CDK5RAP2: variants seen among roughly 807,000 people sequenced by gnomAD.
The protein encoded by CDK5RAP2 is CDK5 regulatory subunit-associated protein 2.
In CDK5RAP2, 147 loss-of-function variants were observed where a neutral mutation model predicts 232.9. The ratio of observed to expected loss-of-function variants is 0.63; its 90% CI spans 0.55 to 0.72. The LOEUF (loss-of-function observed/expected upper bound fraction) is 0.72, where lower values mean the gene tolerates loss of function less well. Among genes scored for constraint, CDK5RAP2 ranks in the 30% least tolerant of loss-of-function variants. The probability of loss-of-function intolerance (pLI) is 0.00; values close to 1 mark genes in which losing one functional copy is unlikely to be tolerated. For missense variants in CDK5RAP2, 2,195 were observed against 2,231.5 expected (o/e 0.98, Z 0.33); for synonymous variants, 833 against 833.7 (o/e 1.00, Z 0.01).
intron 26 of CDK5RAP2, among the ~76,000 whole-genome samples, chr9:120,421,293 A>T (rs2034553745): frequency 6.6e-6 from 1 of 152,030 alleles, no homozygotes; most frequent in Non-Finnish European, 1.5e-5. Flanking sequence ...GAATGGCCCC[A>T]CTCTGGGAAG....
intron 7 of CDK5RAP2, among the ~76,000 whole-genome samples, chr9:120,535,731 G>C (rs2041356750): frequency 6.6e-6 from 1 of 152,182 alleles, no homozygotes; most frequent in Admixed American, 6.5e-5. Flanking sequence ...GGGCACTAAA[G>C]ACTGCCTAAA....
intron 18 of CDK5RAP2, among the ~76,000 whole-genome samples, chr9:120,463,654 C>T (rs2037214240): frequency 6.6e-6 from 1 of 152,206 alleles, no homozygotes; most frequent in African/African-American, 2.4e-5. Context: ...GTATTGTTAA[C>T]ACATCATTCC....
intron 20 of CDK5RAP2, among the ~76,000 whole-genome samples, chr9:120,454,367 A>G (rs527752104): frequency 6.6e-6 from 1 of 152,352 alleles, no homozygotes; most frequent in Non-Finnish European, 1.5e-5. Context: ...TGCTTAATAA[A>G]GAGGTGTTAA....
chr9:120,533,200 C>T (rs1024273024), intron 7 of CDK5RAP2, among the ~76,000 whole-genome samples: 2 of 152,156 alleles, frequency 1.3e-5, no homozygotes, highest in African/African-American at 4.8e-5. Context: ...CATCTATCCC[C>T]TCCCACACTG....
intron 12 of CDK5RAP2, among the ~76,000 whole-genome samples, chr9:120,518,159 A>G (rs1177140587): frequency 2.3e-5 from 3 of 128,906 alleles, no homozygotes; most frequent in Admixed American, 8.0e-5. Context: ...CAACTCGATA[A>G]CAACTCTGTG....
chr9:120,526,273 G>A (rs542720633), intron 10 of CDK5RAP2, among the ~76,000 whole-genome samples: 1 of 152,186 alleles, frequency 6.6e-6, no homozygotes, highest in East Asian at 1.9e-4. Flanking sequence ...TGGTCCACGG[G>A]CTCCTCAAAG....
chr9:120,484,519 T>C (rs991238837), intron 14 of CDK5RAP2, among the ~76,000 whole-genome samples: 2 of 152,012 alleles, frequency 1.3e-5, no homozygotes, highest in African/African-American at 4.8e-5. Flanking sequence ...GTCAGAAGTT[T>C]GAGACCAGCC....
At chr9:120,519,705 T>A (rs2040532165) in intron 11 of CDK5RAP2, among the ~76,000 whole-genome samples, 1 of 152,256 alleles carries the variant, frequency 6.6e-6, no homozygotes, top group African/African-American at 2.4e-5. Flanking sequence ...GTAATTCTCA[T>A]TTTTCTTTAA....
intron 12 of CDK5RAP2, among the ~76,000 whole-genome samples, chr9:120,500,021 G>C (rs999588908): frequency 6.6e-6 from 1 of 152,102 alleles, no homozygotes; most frequent in African/African-American, 2.4e-5. Context: ...TTTTTGTTTT[G>C]TTTCATTTAA....
chr9:120,544,672 G>C (rs979883835), intron 5 of CDK5RAP2, among the ~76,000 whole-genome samples: 4 of 152,224 alleles, frequency 2.6e-5, no homozygotes, highest in African/African-American at 9.6e-5. Context: ...GACAAATGAA[G>C]CATTTCCACA....
chr9:120,535,726 C>T (rs2041356550), intron 7 of CDK5RAP2, among the ~76,000 whole-genome samples: 1 of 152,188 alleles, frequency 6.6e-6, no homozygotes, highest in African/African-American at 2.4e-5. Flanking sequence ...ATGATGGGCA[C>T]TAAAGACTGC....
intron 28 of CDK5RAP2, among the ~76,000 whole-genome samples, chr9:120,414,459 A>G (rs1345544382): frequency 1.3e-5 from 2 of 152,252 alleles, no homozygotes; most frequent in Non-Finnish European, 2.9e-5. Flanking sequence ...GATATAGAGT[A>G]CGTTACCTCT....
At chr9:120,415,432 A>C (rs2034154802) in intron 27 of CDK5RAP2, among the ~76,000 whole-genome samples, 1 of 152,194 alleles carries the variant, frequency 6.6e-6, no homozygotes, top group Admixed American at 6.5e-5. Context: ...GCTAACTCTA[A>C]TGTAGCCTTT....
In CDK5RAP2 at chr9:120,536,396, G is replaced by A; in HGVS notation, c.638C>T (p.Ala213Val). The A allele has an allele frequency of 6.2e-7, 1 of 1,614,128 alleles. No homozygotes were observed. The highest frequency in any genetic ancestry group is 8.5e-7 in the Non-Finnish European group (1 of 1,180,006). Reference sequence around the variant, plus strand: ...CCTGTCTTTCTCATCCAGGACCAGAGCCATCGCCAAGTCCCCCTCGTGCAT... The same window carrying A: ...CCTGTCTTTCTCATCCAGGACCAGAACCATCGCCAAGTCCCCCTCGTGCAT... ...KKMHEGDLAM[A>V]LVLDEKDRLI... Residue 213 changes from alanine (A) to valine (V), a missense_variant, in exon 7 of 38, where the codon GCT (alanine) becomes GTT (valine). Ala to Val is a moderately conservative substitution (Grantham distance 64, BLOSUM62 0). Transcript: ENST00000349780.
In CDK5RAP2 at chr9:120,443,241, A is replaced by G. The variant is rs537574457; in HGVS notation, c.3148+379T>C. On this transcript the variant is annotated intron_variant, in intron 23 of 37. Coordinates refer to ENST00000349780, the MANE Select transcript of CDK5RAP2 (RefSeq NM_018249.6). ...CACGGACCAACACCAAGCACACCTC[A>G]GCAACAGGCAGCCCCGCGCTGAATA... is the stretch of plus-strand genomic sequence containing the variant. Among the ~76,000 whole-genome samples the G allele has an allele frequency of 1.3e-5, 2 of 152,224 alleles. 1 individual carries two copies. The highest frequency in any genetic ancestry group is 4.8e-5 in the African/African-American group (2 of 41,546).
At chr9:120,407,346 G>A in intron 31 of CDK5RAP2, 98 bp from the exon 32 acceptor site, 11 of 874,276 alleles carry the variant, frequency 1.3e-5, no homozygotes, top group South Asian at 9.3e-5. Flanking sequence ...CACCACCATC[G>A]CCCTCCCCCT....
In CDK5RAP2 at chr9:120,400,816, C is replaced by T. The variant is rs1166790074; in HGVS notation, c.5377G>A (p.Ala1793Thr). 1 of 1,614,228 alleles carries T rather than the reference C, an allele frequency of 6.2e-7. No individual in the cohort carries two copies. Among genetic ancestry groups the T allele is most frequent in the East Asian group, 2.2e-5 (1 of 44,886 alleles). The change falls in exon 35 of 38, where the codon GCC (alanine) becomes ACC (threonine). Residue 1793 changes from alanine (A) to threonine (T), a missense_variant. Ala to Thr is a moderately conservative substitution (Grantham distance 58). Transcript: ENST00000349780. ...VSTAKLTLEE[A>T]YRRLKLLWRV... ...CAGAGAAGCTTCAGCCGCCTGTAGGCCTCTTCCAGGGTCAGCTTGGCCGTG... is the reference window on the plus strand; with the variant it reads ...CAGAGAAGCTTCAGCCGCCTGTAGGTCTCTTCCAGGGTCAGCTTGGCCGTG...
intron 31 of CDK5RAP2, chr9:120,408,124 C>A: frequency 1.7e-6 from 1 of 576,560 alleles, no homozygotes. Flanking sequence ...GAGTGGGAAC[C>A]CGGACCTCGG....
intron 35 of CDK5RAP2, among the ~76,000 whole-genome samples, chr9:120,400,200 A>G (rs2131253785): frequency 1.3e-5 from 2 of 152,322 alleles, no homozygotes; most frequent in South Asian, 4.1e-4. Context: ...ATCAGAGGAC[A>G]GCTTCTACTC....
Sources: gnomAD v4.1 joint callset for allele counts (sites outside exome capture counted in the v4.1 genomes callset) on GRCh38, gnomAD v4.1.1 for gene constraint, MANE v1.5 for transcripts, NCBI Gene and HGNC (gene_info 2026-07-23, HGNC 2026-07-21) for gene names.